Variants in OR6C4 observed in about 807,000 individuals in gnomAD.
OR6C4 encodes olfactory receptor 6C4.
A neutral mutation model predicts 15.1 loss-of-function variants in OR6C4; 20 were observed. That is an observed-to-expected ratio of 1.32 (90% CI 0.93 to 1.92). The LOEUF is 1.92. Ranked by LOEUF, OR6C4 falls within the 30% of genes most tolerant of loss-of-function variation. The probability of loss-of-function intolerance (pLI) is 0.00; values close to 1 mark genes in which losing one functional copy is unlikely to be tolerated. For synonymous variants in OR6C4, 179 were observed against 134.2 expected, an observed-to-expected ratio of 1.33 and a Z score of -2.31; for missense variants, 491 against 363.2, an observed-to-expected ratio of 1.35 and a Z score of -2.86.
In OR6C4 at chr12:55,553,390, T is replaced by A. The variant is rs1873929236; in HGVS notation, c.*1234T>A. The A allele has an allele frequency of 6.6e-6, 1 of 152,104 alleles. No individual in the cohort carries two copies. The highest frequency in any genetic ancestry group is 1.5e-5 in the Non-Finnish European group (1 of 68,006). 9.4% of individuals were successfully genotyped at this position (152,104 alleles called of 1,614,324 possible). On this transcript the variant is annotated 3_prime_UTR_variant, in exon 2 of 2. Transcript: ENST00000641569. ...TATTTGGGGTAAAAGTGGAACACAA[T>A]CTGGTATTTTCACATGCTTTATATG...
At chr12:55,551,028 A>T (rs1873838961) in intron 1 of OR6C4, among the ~76,000 whole-genome samples, 181 bp from the exon 2 acceptor site, 1 of 152,166 alleles carries the variant, frequency 6.6e-6, no homozygotes, top group African/African-American at 2.4e-5. Context: ...AGAAATGAAA[A>T]AGGTCACTTA....
At position 55,554,174 on chromosome 12, in the gene OR6C4, C is replaced by T. The variant is rs907149780; in HGVS notation, c.*2018C>T. On this transcript the variant is annotated 3_prime_UTR_variant, in exon 2 of 2. Coordinates refer to ENST00000641569, the MANE Select transcript of OR6C4 (RefSeq NM_001005494.2). Reference sequence around the variant, plus strand: ...TGGGTCAGCAAAGATCTTACCTACTCTTCAGATAAAGCCATCAAAATACTT... The same window carrying T: ...TGGGTCAGCAAAGATCTTACCTACTTTTCAGATAAAGCCATCAAAATACTT... The T allele has an allele frequency of 1.3e-5, 2 of 152,142 alleles. No individual in the cohort carries two copies. Among genetic ancestry groups the T allele is most frequent in the Non-Finnish European group, 2.9e-5 (2 of 68,036 alleles). 9.4% of individuals were successfully genotyped at this position (152,142 alleles called of 1,614,324 possible).
chr12:55,555,124 TC>T lies in OR6C4; in HGVS notation c.*2970del, dbSNP rs1338918234. On this transcript the variant is annotated 3_prime_UTR_variant, in exon 2 of 2. Coordinates refer to ENST00000641569, the MANE Select transcript of OR6C4 (RefSeq NM_001005494.2). Reference sequence around the variant, plus strand: ...AGGCATGGTGATGCGTGCCTGTAATTCCAGCTACTGGGAAGGCTGAAGCACA... The same window carrying T: ...AGGCATGGTGATGCGTGCCTGTAATTCAGCTACTGGGAAGGCTGAAGCACA... The T allele has an allele frequency of 1.3e-5, 2 of 152,166 alleles. No individual in the cohort carries two copies. The highest frequency in any genetic ancestry group is 4.8e-5 in the African/African-American group (2 of 41,438). The allele number at this position is 152,166 out of a possible 1,614,324, so 9.4% of individuals were successfully genotyped here.
chr12:55,552,668 C>A lies in OR6C4; in HGVS notation c.*512C>A, dbSNP rs989155128. The stretch of plus-strand genomic sequence containing the variant: ...TTCCATCGAGGAGTGAATAATTTTT[C>A]TTCTCCTCCATTTTTTCATCTATAT... On this transcript the variant is annotated 3_prime_UTR_variant, in exon 2 of 2. Coordinates refer to ENST00000641569, the MANE Select transcript of OR6C4 (RefSeq NM_001005494.2). 6.6e-6 allele frequency: 1 copy of A among 152,106 alleles called. No individual in the cohort carries two copies. Among genetic ancestry groups the A allele is most frequent in the Non-Finnish European group, 1.5e-5 (1 of 67,996 alleles). The allele number at this position is 152,106 out of a possible 1,614,324, so 9.4% of individuals were successfully genotyped here. A position where few individuals can be genotyped will look rare whatever the true frequency, so the allele number is the denominator to read the frequency against.
rs780760150 is a variant in OR6C4, at chr12:55,551,668, T to A, written c.442T>A (p.Leu148Met). The change falls in exon 2 of 2, where the codon TTG becomes ATG. Residue 148 changes from leucine (L) to methionine (M), a missense_variant. Leu to Met is a conservative substitution (Grantham distance 15). Coordinates refer to ENST00000641569, the MANE Select transcript of OR6C4 (RefSeq NM_001005494.2). ...VCIQLVFCSW[L>M]GGFLAILPPI... Reference sequence around the variant, plus strand: ...CATACAACTAGTGTTCTGCTCCTGGTTGGGGGGATTCCTAGCAATCTTACC... The same window carrying A: ...CATACAACTAGTGTTCTGCTCCTGGATGGGGGGATTCCTAGCAATCTTACC... 4.6e-5 allele frequency: 74 copies of A among 1,613,808 alleles called. No homozygotes were observed. Among genetic ancestry groups the A allele is most frequent in the Non-Finnish European group, 5.8e-5 (69 of 1,179,922 alleles).
In OR6C4 at chr12:55,551,870, C is replaced by T; in HGVS notation, c.644C>T (p.Ser215Phe). Residue 215 changes from serine to phenylalanine, a missense_variant, in exon 2 of 2, where the codon TCT becomes TTT. Coordinates refer to ENST00000641569, the MANE Select transcript of OR6C4 (RefSeq NM_001005494.2). The part of the protein sequence containing the change: ...LMVTLVLVTL[S>F]YTYIIRTILR... The stretch of plus-strand genomic sequence containing the variant: ...GTTACTCTGGTGCTGGTGACACTTT[C>T]TTACACATACATTATCAGGACTATT... 1 of 1,613,802 alleles carries T rather than the reference C, an allele frequency of 6.2e-7. No individual in the cohort carries two copies. Among genetic ancestry groups the T allele is most frequent in the South Asian group, 1.1e-5 (1 of 91,060 alleles).
At position 55,552,436 on chromosome 12, in the gene OR6C4, A is replaced by G; in HGVS notation, c.*280A>G. On this transcript the variant is annotated 3_prime_UTR_variant, in exon 2 of 2. Transcript: ENST00000641569. ...GAATTAGTTCTGTTTTCCATAAATT[A>G]TTTGAAATTTAAGAAGCAAAACAGA... 1 of 250,146 alleles carries G rather than the reference A, an allele frequency of 4.0e-6. No individual in the cohort carries two copies. Among genetic ancestry groups the G allele is most frequent in the Non-Finnish European group, 7.5e-6 (1 of 134,156 alleles). 15.5% of individuals were successfully genotyped at this position (250,146 alleles called of 1,614,324 possible). A position where few individuals can be genotyped will look rare whatever the true frequency, so the allele number is the denominator to read the frequency against.
In OR6C4 at chr12:55,553,013, T is replaced by C. The variant is rs1873918024; in HGVS notation, c.*857T>C. The C allele has an allele frequency of 6.6e-6, 1 of 152,124 alleles. No individual in the cohort carries two copies. Among genetic ancestry groups the C allele is most frequent in the South Asian group, 2.1e-4 (1 of 4,834 alleles). The allele number at this position is 152,124 out of a possible 1,614,324, so 9.4% of individuals were successfully genotyped here. A position where few individuals can be genotyped will look rare whatever the true frequency, so the allele number is the denominator to read the frequency against. ...TTATTTTCATCCTTTTGTTTCACTT[T>C]ATTAGATATTAGAAAAGAAAATTCT... On this transcript the variant is annotated 3_prime_UTR_variant, in exon 2 of 2. Transcript: ENST00000641569.
rs987459099 is a variant in OR6C4, at chr12:55,552,329, A to G, written c.*173A>G. ...AGATATATAAATGGTAAATTTATGT[A>G]ATAAATTTACAAAAAACAAAATAAT... is the stretch of plus-strand genomic sequence containing the variant. On this transcript the variant is annotated 3_prime_UTR_variant, in exon 2 of 2. Coordinates refer to ENST00000641569, the MANE Select transcript of OR6C4 (RefSeq NM_001005494.2). The G allele has an allele frequency of 1.8e-5, 9 of 497,568 alleles. No individual in the cohort carries two copies. The highest frequency in any genetic ancestry group is 1.6e-4 in the African/African-American group (8 of 49,312). 30.8% of individuals were successfully genotyped at this position (497,568 alleles called of 1,614,324 possible). A position where few individuals can be genotyped will look rare whatever the true frequency, so the allele number is the denominator to read the frequency against.
rs1424538499 is a variant in OR6C4, at chr12:55,551,917, C to A, written c.691C>A (p.Gln231Lys). The A allele has an allele frequency of 2.5e-6, 4 of 1,613,710 alleles. No homozygotes were observed. Among genetic ancestry groups the A allele is most frequent in the African/African-American group, 1.3e-5 (1 of 74,994 alleles). ...RTILRIPSAQ[Q>K]RTKAFSTCSS... ...TATTCTGAGGATCCCTTCTGCCCAG[C>A]AAAGGACAAAGGCCTTTTCCACTTG... is the stretch of plus-strand genomic sequence containing the variant. The change falls in exon 2 of 2, where the codon CAA becomes AAA. Residue 231 changes from glutamine to lysine, a missense_variant. Gln to Lys is a moderately conservative substitution (Grantham distance 53, BLOSUM62 1). Transcript: ENST00000641569.
rs1873919338 is a variant in OR6C4 at position 55,553,062 on chromosome 12, CT to C, written c.*909del. 1 of 152,014 alleles carries C rather than the reference CT, an allele frequency of 6.6e-6. No homozygotes were observed. The highest frequency in any genetic ancestry group is 1.5e-5 in the Non-Finnish European group (1 of 67,952). 9.4% of individuals were successfully genotyped at this position (152,014 alleles called of 1,614,324 possible). On this transcript the variant is annotated 3_prime_UTR_variant, in exon 2 of 2. Coordinates refer to ENST00000641569, the MANE Select transcript of OR6C4 (RefSeq NM_001005494.2). ...CTGTTATCTGGCTCTACTTCTTTAA[CT>C]TTCCCCCAGATTTTTGCTTTCGTTT...
In OR6C4 at chr12:55,554,097, A is replaced by T. The variant is rs918750381; in HGVS notation, c.*1941A>T. 6.6e-6 allele frequency: 1 copy of T among 152,190 alleles called. No individual in the cohort carries two copies. Among genetic ancestry groups the T allele is most frequent in the Non-Finnish European group, 1.5e-5 (1 of 68,028 alleles). The allele number at this position is 152,190 out of a possible 1,614,324, so 9.4% of individuals were successfully genotyped here. ...GCCATTGTACTTGAAATCCATCTGC[A>T]CAAGGCCAGCATATTTCTACTCTCC... On this transcript the variant is annotated 3_prime_UTR_variant, in exon 2 of 2. Transcript: ENST00000641569.
At position 55,555,406 on chromosome 12, in the gene OR6C4, TG is replaced by T. The variant is rs1565721085; in HGVS notation, c.*3252del. On this transcript the variant is annotated 3_prime_UTR_variant, in exon 2 of 2. Coordinates refer to ENST00000641569, the MANE Select transcript of OR6C4 (RefSeq NM_001005494.2). ...TACTTATAAGTGAGAACATAGTTTTTGGTTTTCCACTCCCGTATTACTTCAC... is the reference window on the plus strand; with the variant it reads ...TACTTATAAGTGAGAACATAGTTTTTGTTTTCCACTCCCGTATTACTTCAC... 1 of 152,174 alleles carries T rather than the reference TG, an allele frequency of 6.6e-6. No homozygotes were observed. The highest frequency in any genetic ancestry group is 1.5e-5 in the Non-Finnish European group (1 of 68,038). 9.4% of individuals were successfully genotyped at this position (152,174 alleles called of 1,614,324 possible). A position where few individuals can be genotyped will look rare whatever the true frequency, so the allele number is the denominator to read the frequency against.
chr12:55,552,126 G>T lies in OR6C4; in HGVS notation c.900G>T (p.Lys300Asn). 6.2e-7 allele frequency: 1 copy of T among 1,601,646 alleles called. No individual in the cohort carries two copies. The highest frequency in any genetic ancestry group is 8.5e-7 in the Non-Finnish European group (1 of 1,177,086). The change falls in exon 2 of 2, where the codon AAG (lysine) becomes AAT (asparagine). Residue 300 changes from lysine (K) to asparagine (N), a missense_variant. Lys to Asn is a moderately conservative substitution (Grantham distance 94). Coordinates refer to ENST00000641569, the MANE Select transcript of OR6C4 (RefSeq NM_001005494.2). The stretch of plus-strand genomic sequence containing the variant: ...ATCAGCAAGTGAAACAAGCTTTCAA[G>T]GACTCAGTCAAAAAGATTGTGAAAC... ...LRNQQVKQAF[K>N]DSVKKIVKL
Position 55,549,694 on chromosome 12 carries a change from C to G in OR6C4, c.-443C>G, listed in dbSNP as rs1873804893. On this transcript the variant is annotated 5_prime_UTR_variant, in exon 1 of 2. Transcript: ENST00000641569. ...TTTCTGTCTCTCAAAGTATTTTCTTCCAATTCAATAACTGCTATGGGCTTT... is the reference window on the plus strand; with the variant it reads ...TTTCTGTCTCTCAAAGTATTTTCTTGCAATTCAATAACTGCTATGGGCTTT... The G allele has an allele frequency of 6.6e-6, 1 of 152,098 alleles. No individual in the cohort carries two copies. Among genetic ancestry groups the G allele is most frequent in the Non-Finnish European group, 1.5e-5 (1 of 68,006 alleles). The allele number at this position is 152,098 out of a possible 1,614,324, so 9.4% of individuals were successfully genotyped here. A position where few individuals can be genotyped will look rare whatever the true frequency, so the allele number is the denominator to read the frequency against.
In OR6C4 at chr12:55,554,666, C is replaced by T. The variant is rs1356180171; in HGVS notation, c.*2510C>T. ...CTAACATTCTCAGAATCATATTATA[C>T]CAGTGCTAGGGTGAGGAGACTATGA... On this transcript the variant is annotated 3_prime_UTR_variant, in exon 2 of 2. Transcript: ENST00000641569. The T allele has an allele frequency of 6.6e-6, 1 of 152,078 alleles. No homozygotes were observed. The highest frequency in any genetic ancestry group is 1.5e-5 in the Non-Finnish European group (1 of 68,016). The allele number at this position is 152,078 out of a possible 1,614,324, so 9.4% of individuals were successfully genotyped here. A position where few individuals can be genotyped will look rare whatever the true frequency, so the allele number is the denominator to read the frequency against.
chr12:55,550,057 A>C lies in OR6C4; in HGVS notation c.-80A>C, dbSNP rs1873815348. On this transcript the variant is annotated 5_prime_UTR_variant, in exon 1 of 2. Transcript: ENST00000641569. ...TGATTTTATCATTCTATAAATGTGG[A>C]TCATGAAATGAATCAACTGTGAAAA... The C allele has an allele frequency of 6.6e-6, 1 of 152,216 alleles. No homozygotes were observed. Among genetic ancestry groups the C allele is most frequent in the African/African-American group, 2.4e-5 (1 of 41,464 alleles). 9.4% of individuals were successfully genotyped at this position (152,216 alleles called of 1,614,324 possible).
rs913679410 is a variant in OR6C4 at position 55,555,092 on chromosome 12, A to C, written c.*2936A>C. 2 of 152,170 alleles carry C rather than the reference A, an allele frequency of 1.3e-5. No individual in the cohort carries two copies. The highest frequency in any genetic ancestry group is 2.9e-5 in the Non-Finnish European group (2 of 68,040). 9.4% of individuals were successfully genotyped at this position (152,170 alleles called of 1,614,324 possible). A position where few individuals can be genotyped will look rare whatever the true frequency, so the allele number is the denominator to read the frequency against. On this transcript the variant is annotated 3_prime_UTR_variant, in exon 2 of 2. Transcript: ENST00000641569. ...GCACCAACCAAATAAAAATACAAAA[A>C]TCAGCCAGGCATGGTGATGCGTGCC...
At chr12:55,550,314 A>G (rs1313094582) in intron 1 of OR6C4, among the ~76,000 whole-genome samples, 196 bp downstream of exon 1, 1 of 152,196 alleles carries the variant, frequency 6.6e-6, no homozygotes, top group African/African-American at 2.4e-5. Flanking sequence ...CACTCACAAT[A>G]CTACCACCAA....
Sources: allele counts gnomAD v4.1 joint callset (sites outside exome capture counted in the v4.1 genomes callset), GRCh38; gene constraint gnomAD v4.1.1; transcripts MANE v1.5; gene names NCBI Gene and HGNC (gene_info 2026-07-23, HGNC 2026-07-21).